The following MCHR2 variants were observed in gnomAD, a reference collection of about 807,000 sequenced individuals.
The protein encoded by MCHR2 is melanin-concentrating hormone receptor 2.
MCHR2 carries 15 observed loss-of-function variants against 24.8 expected under a neutral mutation model. The ratio of observed to expected loss-of-function variants is 0.60; its 90% CI spans 0.40 to 0.93. The LOEUF (loss-of-function observed/expected upper bound fraction) is 0.93. MCHR2 is among the 40% of genes least tolerant of loss of function. The pLI, the probability that MCHR2 is intolerant of heterozygous loss-of-function variation, is 0.00. For synonymous variants in MCHR2, 151 were observed against 147.6 expected, an observed-to-expected ratio of 1.02 and a Z score of -0.17; for missense variants, 386 against 408.7, an observed-to-expected ratio of 0.94 and a Z score of 0.48.
At chr6:99,990,513 A>G (rs1294501841) in intron 1 of MCHR2, among the ~76,000 whole-genome samples, 1 of 152,198 alleles carries the variant, frequency 6.6e-6, no homozygotes, top group Non-Finnish European at 1.5e-5. Flanking sequence ...GAGAGTATAG[A>G]AAGATTTAAA....
chr6:99,991,205 C>G (rs1051111241), intron 1 of MCHR2, among the ~76,000 whole-genome samples: 1 of 151,876 alleles, frequency 6.6e-6, no homozygotes, highest in Non-Finnish European at 1.5e-5. Context: ...CCACAGGAGA[C>G]CCTAGCGGTG....
chr6:99,990,078 C>T (rs1775841897), intron 1 of MCHR2, among the ~76,000 whole-genome samples: 1 of 151,808 alleles, frequency 6.6e-6, no homozygotes, highest in Non-Finnish European at 1.5e-5. Context: ...AACTAAATTC[C>T]ATCTTAATGA....
intron 4 of MCHR2, among the ~76,000 whole-genome samples, chr6:99,935,320 A>G (rs938006884): frequency 2.0e-5 from 3 of 151,978 alleles, no homozygotes; most frequent in African/African-American, 7.2e-5. Flanking sequence ...TTCTTTTATT[A>G]AAGTGTATCT....
chr6:99,939,453 A>C (rs1255302571), intron 4 of MCHR2, among the ~76,000 whole-genome samples: 1 of 152,100 alleles, frequency 6.6e-6, no homozygotes, highest in Non-Finnish European at 1.5e-5. Flanking sequence ...AGTGGAAAAA[A>C]ATCTACATTT....
rs941152165 is a variant in MCHR2 at position 99,920,259 on chromosome 6, G to A, written c.*681C>T. ...ATGATAAGTAAAGGTTGTCAAGGTC[G>A]TGCAGTAGAAAAGAAACAGGCAGAG... On this transcript the variant is annotated 3_prime_UTR_variant, in exon 6 of 6. Coordinates refer to ENST00000281806, the MANE Select transcript of MCHR2 (RefSeq NM_001040179.2). 3 of 152,158 alleles carry A rather than the reference G, an allele frequency of 2.0e-5. No homozygotes were observed. Among genetic ancestry groups the A allele is most frequent in the African/African-American group, 4.8e-5 (2 of 41,430 alleles). The allele number at this position is 152,158 out of a possible 1,614,324, so 9.4% of individuals were successfully genotyped here.
At chr6:99,942,857 G>C (rs1265351106) in intron 4 of MCHR2, 92 bp downstream of exon 4, 1 of 1,033,676 alleles carries the variant, frequency 9.7e-7, no homozygotes, top group Non-Finnish European at 1.4e-6. Flanking sequence ...GATCCATAAG[G>C]ATACTCTTTG....
chr6:99,954,949 G>A (rs1329011665), intron 2 of MCHR2, among the ~76,000 whole-genome samples: 1 of 152,084 alleles, frequency 6.6e-6, no homozygotes, highest in Non-Finnish European at 1.5e-5. Flanking sequence ...CCTTCTGCAG[G>A]ATATCTCATT....
At chr6:99,989,042 T>C (rs1301748280) in intron 1 of MCHR2, among the ~76,000 whole-genome samples, 3 of 152,198 alleles carry the variant, frequency 2.0e-5, no homozygotes, top group African/African-American at 7.2e-5. Context: ...AAAACACTTA[T>C]GACTCCTATG....
chr6:99,956,441 G>A (rs1011929349), intron 1 of MCHR2, among the ~76,000 whole-genome samples: 1 of 152,058 alleles, frequency 6.6e-6, no homozygotes. Context: ...TATATGCTTT[G>A]AGCATAGGTG....
At chr6:99,944,746 A>G (rs1774843150) in intron 3 of MCHR2, among the ~76,000 whole-genome samples, 1 of 152,176 alleles carries the variant, frequency 6.6e-6, no homozygotes. Context: ...CAAGCAATTA[A>G]GGAATCTTCT....
At chr6:99,924,374 C>A (rs1479038982) in intron 5 of MCHR2, among the ~76,000 whole-genome samples, 1 of 151,654 alleles carries the variant, frequency 6.6e-6, no homozygotes, top group African/African-American at 2.4e-5. Context: ...TTTCACTGAT[C>A]TCTTCTATTG....
chr6:99,951,849 C>T (rs188361626), intron 2 of MCHR2, among the ~76,000 whole-genome samples: 2,921 of 152,190 alleles, frequency 0.019, 60 homozygotes, highest in African/African-American at 0.046. Context: ...TTGTCCATCT[C>T]GTAACCTCTG....
At chr6:99,945,493 A>T (rs1307104767) in intron 3 of MCHR2, among the ~76,000 whole-genome samples, 1 of 152,138 alleles carries the variant, frequency 6.6e-6, no homozygotes, top group African/African-American at 2.4e-5. Context: ...TGCAGTTATC[A>T]CTAATTAGGG....
intron 2 of MCHR2, among the ~76,000 whole-genome samples, chr6:99,953,729 G>T (rs1344395708): frequency 6.6e-6 from 1 of 151,760 alleles, no homozygotes; most frequent in East Asian, 1.9e-4. Flanking sequence ...GCAATGCAGG[G>T]CATGCAATAG....
intron 1 of MCHR2, among the ~76,000 whole-genome samples, chr6:99,969,886 T>G (rs1436918414): frequency 6.6e-6 from 1 of 151,514 alleles, no homozygotes; most frequent in Non-Finnish European, 1.5e-5. Flanking sequence ...ACAAAGGACA[T>G]GAACTCTTCA....
intron 4 of MCHR2, among the ~76,000 whole-genome samples, chr6:99,936,988 C>A (rs1342794010): frequency 6.6e-6 from 1 of 151,776 alleles, no homozygotes; most frequent in Non-Finnish European, 1.5e-5. Flanking sequence ...AAGGCCACTG[C>A]ATTTCTGATT....
At position 99,953,329 on chromosome 6, in the gene MCHR2, G is replaced by A. The variant is rs1006578880; in HGVS notation, c.182+2637C>T. The stretch of plus-strand genomic sequence containing the variant: ...ATAAGGACCTGGTTTTTCAATGGTG[G>A]TACCAAGGCTTTTGAGTGTAGGACA... On this transcript the variant is annotated intron_variant, in intron 2 of 5. Transcript: ENST00000281806. Among the ~76,000 whole-genome samples the A allele has an allele frequency of 3.9e-5, 6 of 152,100 alleles. No individual in the cohort carries two copies. The South Asian group carries it at 1.0e-3, about 26-fold the overall frequency.
chr6:99,930,619 A>G (rs1038244613), intron 5 of MCHR2, among the ~76,000 whole-genome samples: 1 of 151,970 alleles, frequency 6.6e-6, no homozygotes. Flanking sequence ...CTTTCTTCCA[A>G]TCGATCGCCA....
In MCHR2 at chr6:99,949,591, G is replaced by A. The variant is rs377537946; in HGVS notation, c.183-1620C>T. Among the ~76,000 whole-genome samples the A allele has an allele frequency of 3.9e-4, 60 of 152,186 alleles. 1 individual carries two copies. The East Asian group carries it at 5.0e-3, about 13-fold the overall frequency. On this transcript the variant is annotated intron_variant, in intron 2 of 5. Coordinates refer to ENST00000281806, the MANE Select transcript of MCHR2 (RefSeq NM_001040179.2). ...TCTCATGTGAAACATTAGACTGGGCGAGGCCATCTCTTCTCCAGGCCTTGG... is the reference window on the plus strand; with the variant it reads ...TCTCATGTGAAACATTAGACTGGGCAAGGCCATCTCTTCTCCAGGCCTTGG...
Sources: allele counts gnomAD v4.1 joint callset (sites outside exome capture counted in the v4.1 genomes callset), GRCh38; gene constraint gnomAD v4.1.1; transcripts MANE v1.5; gene names NCBI Gene and HGNC (gene_info 2026-07-23, HGNC 2026-07-21).